IL23R: variants seen among roughly 807,000 people sequenced by gnomAD.
The protein encoded by IL23R is interleukin-23 receptor.
Under a neutral mutation model 56.9 loss-of-function variants are expected in IL23R, and 34 were observed. The ratio of observed to expected loss-of-function variants is 0.60; its 90% CI spans 0.45 to 0.80. The LOEUF (loss-of-function observed/expected upper bound fraction) is 0.80, where lower values mean the gene tolerates loss of function less well. IL23R is among the 30% of genes least tolerant of loss of function. The probability of loss-of-function intolerance (pLI) is 0.00; values close to 1 mark genes in which losing one functional copy is unlikely to be tolerated. For synonymous variants in IL23R, 230 were observed against 249.2 expected (o/e 0.92, Z 0.73); for missense variants, 635 against 730.0 (o/e 0.87, Z 1.50).
chr1:67,206,349 C>T (rs558723356), intron 5 of IL23R, among the ~76,000 whole-genome samples: 3 of 152,094 alleles, frequency 2.0e-5, no homozygotes, highest in South Asian at 2.1e-4. Context: ...CTCATTCTGT[C>T]GTCCAGGGTG....
intron 1 of IL23R, among the ~76,000 whole-genome samples, chr1:67,148,732 T>C (rs1306053700): frequency 6.6e-6 from 1 of 152,242 alleles, no homozygotes; most frequent in African/African-American, 2.4e-5. Context: ...ATAGCTTCAC[T>C]GTGGGCAGAA....
chr1:67,220,079 T>C, intron 7 of IL23R, among the ~76,000 whole-genome samples: 1 of 151,802 alleles, frequency 6.6e-6, no homozygotes, highest in East Asian at 1.9e-4. Flanking sequence ...TCCTAAAAAG[T>C]TTAAAACAGC....
At chr1:67,144,322 T>G (rs995323994) in intron 1 of IL23R, among the ~76,000 whole-genome samples, 1 of 152,230 alleles carries the variant, frequency 6.6e-6, no homozygotes, top group African/African-American at 2.4e-5. Flanking sequence ...TGGGGTCTGA[T>G]TTGTCTCTTT....
chr1:67,265,877 A>G, the IL23R span, among the ~76,000 whole-genome samples: 1 of 152,226 alleles, frequency 6.6e-6, no homozygotes, highest in Non-Finnish European at 1.5e-5. Context: ...CTGTCTCAAA[A>G]AAAAAAAATT....
intron 9 of IL23R, among the ~76,000 whole-genome samples, chr1:67,252,862 A>T (rs1232179411): frequency 1.3e-5 from 2 of 151,948 alleles, no homozygotes; most frequent in African/African-American, 4.8e-5. Flanking sequence ...GTACAGAAAC[A>T]GCTGGTTGGT....
At chr1:67,174,218 T>C (rs1055518547) in intron 3 of IL23R, among the ~76,000 whole-genome samples, 15 of 151,960 alleles carry the variant, frequency 9.9e-5, no homozygotes, top group Non-Finnish European at 1.8e-4. Flanking sequence ...CTTTTACAGA[T>C]TGTGATATGT....
At chr1:67,230,957 T>C (rs1257711229) in intron 7 of IL23R, among the ~76,000 whole-genome samples, 1 of 151,950 alleles carries the variant, frequency 6.6e-6, no homozygotes, top group Non-Finnish European at 1.5e-5. Context: ...TAAAAGGAGA[T>C]GCGAAAGAGA....
intron 8 of IL23R, among the ~76,000 whole-genome samples, chr1:67,237,987 CA>C (rs1278543967): frequency 1.3e-5 from 2 of 152,210 alleles, no homozygotes; most frequent in African/African-American, 4.8e-5. Context: ...CTATTCTAGC[CA>C]GACAGGGCAG....
intron 5 of IL23R, 101 bp downstream of exon 5, chr1:67,200,998 C>A: frequency 1.7e-6 from 2 of 1,208,132 alleles, no homozygotes; most frequent in Non-Finnish European, 2.4e-6. Flanking sequence ...AAAGTTCCTG[C>A]AGAGCATGAT....
At chr1:67,197,525 T>C (rs1207534721) in intron 4 of IL23R, among the ~76,000 whole-genome samples, 1 of 152,198 alleles carries the variant, frequency 6.6e-6, no homozygotes, top group East Asian at 1.9e-4. Flanking sequence ...TTACAGATTA[T>C]GTTGTGTTTT....
rs144262883 is a variant in IL23R, at chr1:67,189,936, A to G, written c.491+6977A>G. Among the ~76,000 whole-genome samples the G allele has an allele frequency of 4.3e-3, 657 of 152,060 alleles. 1 individual carries two copies. The highest frequency in any genetic ancestry group is 7.7e-3 in the Non-Finnish European group (526 of 67,938). ...GGCGACTTAGCCAGACCCTGTCTCA[A>G]AAAAAAAGAAAGAAAAGAGCAAGTC... On this transcript the variant is annotated intron_variant, in intron 4 of 10. Transcript: ENST00000347310.
chr1:67,232,989 T>G (rs925873340), intron 7 of IL23R, among the ~76,000 whole-genome samples: 11 of 151,988 alleles, frequency 7.2e-5, no homozygotes, highest in African/African-American at 2.2e-4. Flanking sequence ...ACCATGATTA[T>G]AAGTTTCCTG....
At chr1:67,223,083 G>A (rs917397910) in intron 7 of IL23R, among the ~76,000 whole-genome samples, 2 of 151,872 alleles carry the variant, frequency 1.3e-5, no homozygotes, top group African/African-American at 2.4e-5. Context: ...GTGAAACCCC[G>A]TCTCTACTAA....
At chr1:67,174,404 T>C (rs1646982797) in intron 3 of IL23R, among the ~76,000 whole-genome samples, 1 of 151,746 alleles carries the variant, frequency 6.6e-6, no homozygotes, top group Non-Finnish European at 1.5e-5. Flanking sequence ...AAATTTTTAA[T>C]ATATTTGTTT....
chr1:67,171,504 AATAGAAATTTTT>A (rs1241360127), intron 3 of IL23R, among the ~76,000 whole-genome samples: 1 of 152,212 alleles, frequency 6.6e-6, no homozygotes, highest in Non-Finnish European at 1.5e-5. Flanking sequence ...AGGAACAAGA[AATAGAAATTTTT>A]ATAAAAACTA....
chr1:67,246,361 A>T (rs555035696), intron 9 of IL23R, among the ~76,000 whole-genome samples: 56 of 151,980 alleles, frequency 3.7e-4, no homozygotes, highest in Admixed American at 1.6e-3. Context: ...TAGCTTTTGA[A>T]TTTGTTTGCT....
chr1:67,241,359 G>A (rs1651842204), intron 9 of IL23R, among the ~76,000 whole-genome samples: 1 of 152,162 alleles, frequency 6.6e-6, no homozygotes, highest in Non-Finnish European at 1.5e-5. Flanking sequence ...TAGGATCTAT[G>A]TGTTTCCTTA....
downstream of IL23R, among the ~76,000 whole-genome samples, chr1:67,263,112 CTTTT>C (rs66482004): frequency 1.1e-4 from 11 of 98,862 alleles, no homozygotes; most frequent in East Asian, 2.7e-4. Context: ...AATTTCTTTC[CTTTT>C]TTTTTTTTTT....
intron 7 of IL23R, among the ~76,000 whole-genome samples, chr1:67,236,319 C>T (rs568515829): frequency 6.6e-6 from 1 of 152,282 alleles, no homozygotes; most frequent in Admixed American, 6.5e-5. Flanking sequence ...TCTTGGGGAC[C>T]CTCAAGGAAA....
Sources: allele counts gnomAD v4.1 joint callset (sites outside exome capture counted in the v4.1 genomes callset), GRCh38; gene constraint gnomAD v4.1.1; transcripts MANE v1.5; gene names NCBI Gene and HGNC (gene_info 2026-07-23, HGNC 2026-07-21).